The following CA5A variants were observed in gnomAD, a reference collection of about 807,000 sequenced individuals.
The protein encoded by CA5A is carbonic anhydrase 5A, mitochondrial.
CA5A carries 28 observed loss-of-function variants against 37.1 expected under a neutral mutation model. The observed-to-expected ratio is 0.75, with a 90% CI of 0.56 to 1.03. The LOEUF (loss-of-function observed/expected upper bound fraction) is 1.03, where lower values mean the gene tolerates loss of function less well. Among genes scored for constraint, CA5A ranks in the 50% least tolerant of loss-of-function variants. The probability of loss-of-function intolerance (pLI) is 0.00; values close to 1 mark genes in which losing one functional copy is unlikely to be tolerated. For synonymous variants in CA5A, 171 were observed against 158.4 expected, an observed-to-expected ratio of 1.08 and a Z score of -0.60; for missense variants, 444 against 399.9, an observed-to-expected ratio of 1.11 and a Z score of -0.94.
intron 5 of CA5A, among the ~76,000 whole-genome samples, chr16:87,899,428 G>C (rs1043971622): frequency 6.8e-6 from 1 of 148,142 alleles, no homozygotes; most frequent in Non-Finnish European, 1.5e-5. Flanking sequence ...TCAGCCTCCT[G>C]AGTAGCTGGG....
At chr16:87,884,147 G>A (rs1288775771), downstream of CA5A, 1 of 150,394 alleles carries the variant, frequency 6.6e-6, no homozygotes, top group Non-Finnish European at 1.5e-5. Flanking sequence ...CAGGCGCGGT[G>A]GCTCATGCCT....
intron 2 of CA5A, among the ~76,000 whole-genome samples, chr16:87,909,411 C>T (rs1218432934): frequency 6.6e-6 from 1 of 152,202 alleles, no homozygotes; most frequent in Non-Finnish European, 1.5e-5. Context: ...CTATGATACG[C>T]AAATGAGGAG....
chr16:87,926,551 AC>A (rs1217543791), intron 2 of CA5A, among the ~76,000 whole-genome samples, 196 bp downstream of exon 2: 2 of 152,336 alleles, frequency 1.3e-5, no homozygotes, highest in East Asian at 3.9e-4. Flanking sequence ...TAAAGTGAGC[AC>A]CAGGCTCCTG....
At chr16:87,901,782 T>C in intron 5 of CA5A, 130 bp downstream of exon 5, 2 of 620,872 alleles carry the variant, frequency 3.2e-6, no homozygotes, top group South Asian at 3.1e-5. Context: ...AGACGGGGTT[T>C]CTCCATGTTG....
intron 1 of CA5A, among the ~76,000 whole-genome samples, chr16:87,927,319 A>C (rs2056326831): frequency 6.6e-6 from 1 of 151,990 alleles, no homozygotes; most frequent in Non-Finnish European, 1.5e-5. Context: ...AGGCAGGCTG[A>C]GTGCAGTGGG....
intron 1 of CA5A, among the ~76,000 whole-genome samples, chr16:87,929,743 G>A (rs1156477672): frequency 6.7e-6 from 1 of 150,264 alleles, no homozygotes; most frequent in Non-Finnish European, 1.5e-5. Flanking sequence ...GTGGTGGCGG[G>A]CGCCTGTAGT....
At chr16:87,933,330 A>C (rs1010179693) in intron 1 of CA5A, among the ~76,000 whole-genome samples, 21 of 152,248 alleles carry the variant, frequency 1.4e-4, no homozygotes, top group African/African-American at 5.1e-4. Flanking sequence ...ACAGATGGGC[A>C]CTGCCAGTGC....
intron 2 of CA5A, among the ~76,000 whole-genome samples, chr16:87,924,910 C>G (rs530557572): frequency 6.6e-6 from 1 of 152,220 alleles, no homozygotes; most frequent in African/African-American, 2.4e-5. Flanking sequence ...CCTCGATTCT[C>G]TCCCTGCAGC....
rs973668995 is a variant in CA5A at position 87,924,683 on chromosome 16, C to G, written c.340+2065G>C. On this transcript the variant is annotated intron_variant, in intron 2 of 6. Coordinates refer to ENST00000649794, the MANE Select transcript of CA5A (RefSeq NM_001739.2). ...AGCTGGGCAGACCTCCCCGTGACAG[C>G]AGGAGCTGGGGAAGCCCCGGTGAGC... Among the ~76,000 whole-genome samples, 5 of 152,262 alleles carry G rather than the reference C, an allele frequency of 3.3e-5. No homozygotes were observed. The East Asian group carries it at 7.7e-4, about 23-fold the overall frequency.
intron 1 of CA5A, among the ~76,000 whole-genome samples, chr16:87,931,648 G>C (rs1257735373): frequency 6.6e-6 from 1 of 152,172 alleles, no homozygotes; most frequent in African/African-American, 2.4e-5. Flanking sequence ...GCCTTCCCAC[G>C]CATGATAGAC....
intron 1 of CA5A, among the ~76,000 whole-genome samples, chr16:87,927,686 C>T (rs746569249): frequency 2.3e-4 from 35 of 151,936 alleles, no homozygotes; most frequent in Non-Finnish European, 4.7e-4. Context: ...CATGGCAAAA[C>T]CCCATCATTA....
intron 5 of CA5A, among the ~76,000 whole-genome samples, chr16:87,900,068 G>A (rs2055857193): frequency 6.6e-6 from 1 of 151,876 alleles, no homozygotes; most frequent in Admixed American, 6.6e-5. Context: ...CTCCCCTGTG[G>A]TTTGCCTAGA....
At chr16:87,905,876 G>A (rs889122528) in intron 2 of CA5A, among the ~76,000 whole-genome samples, 14 of 152,228 alleles carry the variant, frequency 9.2e-5, no homozygotes, top group African/African-American at 3.4e-4. Flanking sequence ...CCTCCCAGGA[G>A]CTTGCTTCTC....
chr16:87,903,245 A>C (rs1220704343), intron 3 of CA5A, among the ~76,000 whole-genome samples: 2 of 152,136 alleles, frequency 1.3e-5, no homozygotes, highest in African/African-American at 2.4e-5. Flanking sequence ...AGCCTGGCCA[A>C]GATGGTGAAA....
rs140070122 is a variant in CA5A at position 87,891,880 on chromosome 16, C to T, written c.693G>A (p.Ala231=). The T allele has an allele frequency of 1.0e-5, 16 of 1,573,488 alleles. No individual in the cohort carries two copies. The highest frequency in any genetic ancestry group is 1.8e-4 in the Middle Eastern group (1 of 5,654). ...LPTCWDYWTY[A]GSLTTPPLTE... Reference sequence around the variant, plus strand: ...TCAGCGGCGGGGTGGTGAGCGAGCCCGCGTAGGTCCAGTAATCCCAGCAGG... The same window carrying T: ...TCAGCGGCGGGGTGGTGAGCGAGCCTGCGTAGGTCCAGTAATCCCAGCAGG... Residue 231 remains alanine, a synonymous_variant, in exon 6 of 7, where the codon GCG becomes GCA. Transcript: ENST00000649794.
rs565505373 is a variant in CA5A, at chr16:87,929,827, G to A, written c.143-2882C>T. Among the ~76,000 whole-genome samples, 285 of 121,682 alleles carry A rather than the reference G, an allele frequency of 2.3e-3. 1 individual carries two copies. The highest frequency in any genetic ancestry group is 8.4e-3 in the African/African-American group (262 of 31,042). 79.8% of individuals were successfully genotyped at this position (121,682 alleles called of 152,430 possible). Reference sequence around the variant, plus strand: ...GCGGAGCTTGCAGTGAGCCGAGATCGCGCCACCGCACTCCAGCCTGGGCAA... The same window carrying A: ...GCGGAGCTTGCAGTGAGCCGAGATCACGCCACCGCACTCCAGCCTGGGCAA... On this transcript the variant is annotated intron_variant, in intron 1 of 6. Transcript: ENST00000649794.
intron 6 of CA5A, 87 bp downstream of exon 6, chr16:87,891,712 G>GCT (rs1567514421): frequency 8.7e-7 from 1 of 1,155,548 alleles, no homozygotes; most frequent in African/African-American, 1.6e-5. Flanking sequence ...ACTCCACAAC[G>GCT]CTCTCATGCA....
intron 2 of CA5A, among the ~76,000 whole-genome samples, chr16:87,908,728 G>C (rs2056002179): frequency 6.6e-6 from 1 of 152,198 alleles, no homozygotes; most frequent in African/African-American, 2.4e-5. Context: ...TTTCCCAAGG[G>C]TTTCCAGCAG....
intron 1 of CA5A, 33 bp from the exon 2 acceptor site, chr16:87,926,978 G>T: frequency 2.2e-6 from 3 of 1,389,794 alleles, no homozygotes; most frequent in Middle Eastern, 2.2e-4. Context: ...CCTGAGTGAG[G>T]CATGAGCTTC....
Sources: gnomAD v4.1 joint callset for allele counts (sites outside exome capture counted in the v4.1 genomes callset) on GRCh38, gnomAD v4.1.1 for gene constraint, MANE v1.5 for transcripts, NCBI Gene and HGNC (gene_info 2026-07-23, HGNC 2026-07-21) for gene names.